The following CHLSN variants were observed in gnomAD, a reference collection of about 807,000 sequenced individuals.
CHLSN encodes the protein cholesin, also known as protein cholesin.
chr7:1,040,097 T>C, the CHLSN span, among the ~76,000 whole-genome samples: 1 of 123,504 alleles, frequency 8.1e-6, no homozygotes, highest in Non-Finnish European at 2.0e-5. Context: ...GTTTATCTGC[T>C]GACCTTCCCT....
the CHLSN span, among the ~76,000 whole-genome samples, chr7:1,121,518 T>A: frequency 6.6e-6 from 1 of 152,246 alleles, no homozygotes; most frequent in Non-Finnish European, 1.5e-5. Context: ...AGCTGCGGTC[T>A]TCATGCTCTA....
At chr7:1,011,066 C>T in the CHLSN span, among the ~76,000 whole-genome samples, 3 of 148,334 alleles carry the variant, frequency 2.0e-5, no homozygotes, top group Non-Finnish European at 3.0e-5. Context: ...ATGCAACCCA[C>T]CCCCCCGACA....
chr7:1,058,314 G>T, the CHLSN span: 1 of 776,270 alleles, frequency 1.3e-6, no homozygotes, highest in Non-Finnish European at 2.4e-6. Context: ...GAAGCCCGTG[G>T]ACGCACACTA....
the CHLSN span, among the ~76,000 whole-genome samples, chr7:1,061,828 C>A: frequency 1.4e-5 from 2 of 141,112 alleles, no homozygotes; most frequent in Non-Finnish European, 3.0e-5. Context: ...TTCTTCCAGG[C>A]AGCCATCTCC....
the CHLSN span, among the ~76,000 whole-genome samples, chr7:1,044,047 C>T: frequency 2.0e-5 from 3 of 152,244 alleles, no homozygotes; most frequent in African/African-American, 7.2e-5. Flanking sequence ...TTTCTTTAAA[C>T]GGCTTTCCTG....
chr7:1,011,799 G>A, the CHLSN span, among the ~76,000 whole-genome samples: 3 of 152,086 alleles, frequency 2.0e-5, no homozygotes, highest in Non-Finnish European at 4.4e-5. Context: ...CCAGGGGTCC[G>A]CAGCAAGAGA....
At chr7:1,065,709 T>G in the CHLSN span, among the ~76,000 whole-genome samples, 1 of 152,138 alleles carries the variant, frequency 6.6e-6, no homozygotes, top group Non-Finnish European at 1.5e-5. Flanking sequence ...GGGGTGCTGG[T>G]GACACAGCGG....
chr7:1,063,889 C>T, the CHLSN span, among the ~76,000 whole-genome samples: 8 of 152,276 alleles, frequency 5.3e-5, no homozygotes, highest in South Asian at 1.2e-3. Context: ...CACAGAAGGG[C>T]GAGCTCTACC....
the CHLSN span, among the ~76,000 whole-genome samples, chr7:983,572 A>G: frequency 2.6e-5 from 4 of 152,284 alleles, no homozygotes; most frequent in African/African-American, 9.6e-5. Context: ...CCCACAGGGA[A>G]GCAGACACAC....
the CHLSN span, chr7:1,057,875 C>T: frequency 1.8e-5 from 14 of 777,156 alleles, no homozygotes; most frequent in African/African-American, 1.9e-4. Flanking sequence ...TGTACTCCAC[C>T]GCCCTGCTGA....
the CHLSN span, among the ~76,000 whole-genome samples, chr7:1,040,562 A>T: frequency 6.6e-6 from 1 of 152,206 alleles, no homozygotes; most frequent in Non-Finnish European, 1.5e-5. Flanking sequence ...TAGATCATCT[A>T]TTTAAATGTC....
chr7:1,135,870 A>AAAAT, the CHLSN span, among the ~76,000 whole-genome samples: 11,942 of 129,926 alleles, frequency 0.092, 1,092 homozygotes, highest in African/African-American at 0.23. Context: ...TAAATATATA[A>AAAAT]AAATATATAT....
At chr7:1,123,114 G>T in the CHLSN span, among the ~76,000 whole-genome samples, 3 of 152,198 alleles carry the variant, frequency 2.0e-5, no homozygotes, top group Admixed American at 1.3e-4. This position sits in a 1 kb window ranked among gnomAD's most constrained non-coding sequence, Gnocchi z 4.4. Flanking sequence ...CCGAGGAACG[G>T]CCAAACCTCA....
At chr7:1,099,325 G>A in the CHLSN span, among the ~76,000 whole-genome samples, 3 of 152,248 alleles carry the variant, frequency 2.0e-5, no homozygotes, top group African/African-American at 7.2e-5. Flanking sequence ...GGCCACCATC[G>A]GACAGTGCTG....
the CHLSN span, among the ~76,000 whole-genome samples, chr7:1,009,647 G>A: frequency 6.6e-6 from 1 of 152,160 alleles, no homozygotes; most frequent in Non-Finnish European, 1.5e-5. Context: ...ACCCAGGCCC[G>A]TGGATTCTTC....
the CHLSN span, among the ~76,000 whole-genome samples, chr7:1,004,653 C>T: frequency 0.026 from 3,984 of 152,214 alleles, 149 homozygotes; most frequent in African/African-American, 0.086. Flanking sequence ...TGCTCAGTGT[C>T]GCCTGTGGCT....
chr7:1,021,019 G>C, the CHLSN span, among the ~76,000 whole-genome samples: 1 of 150,578 alleles, frequency 6.6e-6, no homozygotes, highest in African/African-American at 2.4e-5. Context: ...CCTTCGGGCA[G>C]GTACCTCCAG....
chr7:986,499 C>A, the CHLSN span: 1 of 1,139,510 alleles, frequency 8.8e-7, no homozygotes, highest in Non-Finnish European at 1.3e-6. Context: ...CGTTCTGTGG[C>A]CGCCTCCAGC....
chr7:1,080,177 A>G, the CHLSN span, among the ~76,000 whole-genome samples: 1 of 152,248 alleles, frequency 6.6e-6, no homozygotes, highest in African/African-American at 2.4e-5. Context: ...ATGTGCACAC[A>G]CTGTAAGAAC....
Sources: allele counts gnomAD v4.1 joint callset (sites outside exome capture counted in the v4.1 genomes callset), GRCh38; gene constraint gnomAD v4.1.1; non-coding constraint Gnocchi (gnomAD v3.1); transcripts MANE v1.5; gene names NCBI Gene and HGNC (gene_info 2026-07-23, HGNC 2026-07-21).